The following MCC variants were observed in gnomAD, a reference collection of about 807,000 sequenced individuals.
MCC encodes the protein colorectal mutant cancer protein.
Under a neutral mutation model 116.2 loss-of-function variants are expected in MCC, and 90 were observed. The observed-to-expected ratio is 0.77, with a 90% confidence interval of 0.65 to 0.92. The LOEUF is 0.92. MCC is among the 40% of genes least tolerant of loss of function. The pLI, the probability that MCC is intolerant of heterozygous loss-of-function variation, is 0.00. For synonymous variants in MCC, 578 were observed against 510.5 expected, an observed-to-expected ratio of 1.13 and a Z score of -1.78; for missense variants, 1,516 against 1,312.2, an observed-to-expected ratio of 1.16 and a Z score of -2.40.
intron 3 of MCC, among the ~76,000 whole-genome samples, chr5:113,254,043 G>A (rs1167316460): frequency 6.6e-6 from 1 of 152,042 alleles, no homozygotes; most frequent in African/African-American, 2.4e-5. Context: ...GTGCTGAGCA[G>A]AATAAAGGAA....
At chr5:113,245,574 T>C (rs909694127) in intron 3 of MCC, among the ~76,000 whole-genome samples, 47 of 152,214 alleles carry the variant, frequency 3.1e-4, no homozygotes, top group African/African-American at 1.0e-3. Flanking sequence ...ACCAGGATAA[T>C]AGCAGGTTTG....
chr5:113,396,603 T>C (rs1420051496), intron 1 of MCC, among the ~76,000 whole-genome samples: 1 of 152,140 alleles, frequency 6.6e-6, no homozygotes, highest in Admixed American at 6.5e-5. Flanking sequence ...GCCTCTGCAC[T>C]CCAGCCTGGG....
At chr5:113,247,555 T>C (rs1016319223) in intron 3 of MCC, among the ~76,000 whole-genome samples, 2 of 152,148 alleles carry the variant, frequency 1.3e-5, no homozygotes, top group African/African-American at 2.4e-5. Flanking sequence ...AAAAGTGGTA[T>C]ATACAAGGCA....
intron 1 of MCC, among the ~76,000 whole-genome samples, chr5:113,467,315 T>C (rs1771938443): frequency 6.7e-6 from 1 of 149,922 alleles, no homozygotes; most frequent in African/African-American, 2.5e-5. Flanking sequence ...TTTATGGTTT[T>C]AGGTCTAACA....
At chr5:113,270,676 A>T (rs1429469657) in intron 3 of MCC, among the ~76,000 whole-genome samples, 1 of 147,406 alleles carries the variant, frequency 6.8e-6, no homozygotes, top group African/African-American at 2.5e-5. Context: ...ATACTAGATG[A>T]AGCAAAGAAT....
At chr5:113,079,104 G>T (rs1754664696) in intron 11 of MCC, among the ~76,000 whole-genome samples, 1 of 152,152 alleles carries the variant, frequency 6.6e-6, no homozygotes, top group African/African-American at 2.4e-5. Flanking sequence ...ACTTACAAGG[G>T]ATGTGAAGGA....
intron 11 of MCC, among the ~76,000 whole-genome samples, chr5:113,080,988 G>T (rs1015054601): frequency 2.0e-5 from 3 of 152,008 alleles, no homozygotes; most frequent in Non-Finnish European, 2.9e-5. Flanking sequence ...GTTTTACTTT[G>T]CTTTGCATGC....
intron 3 of MCC, among the ~76,000 whole-genome samples, chr5:113,171,143 G>A (rs780038949): frequency 6.6e-6 from 1 of 151,968 alleles, no homozygotes; most frequent in Non-Finnish European, 1.5e-5. Context: ...GTTTAGCAGA[G>A]TGCTATCACA....
intron 4 of MCC, among the ~76,000 whole-genome samples, chr5:113,145,779 C>CACAA (rs1759473923): frequency 7.3e-5 from 1 of 13,772 alleles, no homozygotes; most frequent in African/African-American, 1.9e-4. Flanking sequence ...CACACACACA[C>CACAA]ACACAAACAC....
chr5:113,457,362 G>C (rs978892699), intron 1 of MCC, among the ~76,000 whole-genome samples: 1 of 152,256 alleles, frequency 6.6e-6, no homozygotes, highest in Non-Finnish European at 1.5e-5. Context: ...ATTTCTCGCC[G>C]GGCCTTAGCT....
intron 1 of MCC, among the ~76,000 whole-genome samples, chr5:113,428,107 G>C (rs1770530309): frequency 6.6e-6 from 1 of 152,120 alleles, no homozygotes; most frequent in Non-Finnish European, 1.5e-5. Context: ...GAAACGTAGG[G>C]CATTTTAATT....
At chr5:113,254,704 T>C (rs922072065) in intron 3 of MCC, among the ~76,000 whole-genome samples, 5 of 152,236 alleles carry the variant, frequency 3.3e-5, no homozygotes, top group African/African-American at 9.6e-5. Context: ...TCCATCTTTA[T>C]GGTGCATTTA....
At chr5:113,433,974 TC>T in intron 1 of MCC, 2 of 1,613,932 alleles carry the variant, frequency 1.2e-6, no homozygotes, top group Middle Eastern at 3.3e-4. Context: ...CCGGGAACTC[TC>T]CCCCTCCTTG....
intron 1 of MCC, among the ~76,000 whole-genome samples, chr5:113,472,649 T>G (rs183691953): frequency 3.5e-4 from 53 of 152,356 alleles, no homozygotes; most frequent in Non-Finnish European, 5.1e-4. Context: ...AAGTAACTAT[T>G]GATTGTGAAT....
chr5:113,301,406 G>A (rs571479662), intron 3 of MCC, among the ~76,000 whole-genome samples: 30 of 148,482 alleles, frequency 2.0e-4, no homozygotes, highest in Admixed American at 7.3e-4. Flanking sequence ...CAGAGGTTGC[G>A]GCGAGCCGAG....
chr5:113,151,908 G>A (rs1019009730), intron 3 of MCC, among the ~76,000 whole-genome samples: 8 of 142,788 alleles, frequency 5.6e-5, no homozygotes, highest in Admixed American at 2.2e-4. Flanking sequence ...AGCATTAAGG[G>A]GAAAAAAGCA....
rs557978246 is a variant in MCC at position 113,070,558 on chromosome 5, C to T, written c.1925+536G>A. 9.2e-5 allele frequency among the ~76,000 whole-genome samples: 14 copies of T among 152,096 alleles called. No individual in the cohort carries two copies. The South Asian group carries it at 2.9e-3, about 32-fold the overall frequency. On this transcript the variant is annotated intron_variant, in intron 12 of 18. Coordinates refer to ENST00000408903, the MANE Select transcript of MCC (RefSeq NM_001085377.2). ...TACAATTCCTGCTTTGGGATTTTAT[C>T]CAGAGGAAAATATTCAAAAGAATGA... is the stretch of plus-strand genomic sequence containing the variant.
chr5:113,202,788 A>T (rs1452842729), intron 3 of MCC, among the ~76,000 whole-genome samples: 2 of 2,472 alleles, frequency 8.1e-4, no homozygotes, highest in African/African-American at 8.4e-4. Context: ...CCCTTTATTT[A>T]AAAAAAAAAA....
At chr5:113,481,009 T>A (rs984322412) in intron 1 of MCC, among the ~76,000 whole-genome samples, 51 of 152,236 alleles carry the variant, frequency 3.4e-4, no homozygotes, top group African/African-American at 1.2e-3. Flanking sequence ...ACTCCTAGGT[T>A]CAAGAGATCC....
Sources: gnomAD v4.1 joint callset for allele counts (sites outside exome capture counted in the v4.1 genomes callset) on GRCh38, gnomAD v4.1.1 for gene constraint, MANE v1.5 for transcripts, NCBI Gene and HGNC (gene_info 2026-07-23, HGNC 2026-07-21) for gene names.